Variants in ENOX2 observed in about 807,000 individuals in gnomAD.
ENOX2 encodes the protein APK1 antigen.
ENOX2 carries 36 observed loss-of-function variants against 45.0 expected under a neutral mutation model. The observed-to-expected ratio is 0.80, with a 90% confidence interval of 0.61 to 1.06. The LOEUF (loss-of-function observed/expected upper bound fraction) is 1.06. ENOX2 is among the 50% of genes least tolerant of loss of function. The pLI, the probability that ENOX2 is intolerant of heterozygous loss-of-function variation, is 0.00. For synonymous variants in ENOX2, 174 were observed against 152.3 expected, an observed-to-expected ratio of 1.14 and a Z score of -1.05; for missense variants, 423 against 462.5, an observed-to-expected ratio of 0.91 and a Z score of 0.78.
At chrX:130,805,660 G>A (rs766034526) in intron 2 of ENOX2, among the ~76,000 whole-genome samples, 2 of 111,044 alleles carry the variant, frequency 1.8e-5, no homozygotes, top group Non-Finnish European at 3.8e-5. Context: ...ATACATGCTG[G>A]GACACATTTT....
At chrX:130,857,516 A>G (rs2078331255) in intron 2 of ENOX2, among the ~76,000 whole-genome samples, 1 of 112,231 alleles carries the variant, frequency 8.9e-6, no homozygotes, top group Non-Finnish European at 1.9e-5. Context: ...CAAAGGGTAT[A>G]AAGTTTCATT....
intron 3 of ENOX2, among the ~76,000 whole-genome samples, chrX:130,716,547 G>A (rs753127339): frequency 7.1e-5 from 8 of 112,016 alleles, no homozygotes; most frequent in African/African-American, 2.6e-4. Flanking sequence ...GGGTAGGCAG[G>A]AGAAGAACCT....
intron 2 of ENOX2, among the ~76,000 whole-genome samples, chrX:130,852,771 G>A (rs1468361148): frequency 9.0e-6 from 1 of 111,086 alleles, no homozygotes; most frequent in Non-Finnish European, 1.9e-5. Context: ...TGATTGAAGG[G>A]ATGAAAAATG....
chrX:130,803,016 G>T (rs915288402), intron 2 of ENOX2, among the ~76,000 whole-genome samples: 3 of 111,846 alleles, frequency 2.7e-5, no homozygotes, highest in African/African-American at 9.7e-5. Flanking sequence ...ATGAAGGCAT[G>T]AATGAGTATT....
intron 2 of ENOX2, among the ~76,000 whole-genome samples, chrX:130,845,371 T>C (rs1227947263): frequency 8.9e-6 from 1 of 112,686 alleles, no homozygotes; most frequent in Non-Finnish European, 1.9e-5. Flanking sequence ...AGAACCATTA[T>C]CCTTGCCAAC....
intron 6 of ENOX2, among the ~76,000 whole-genome samples, chrX:130,678,969 C>G (rs1452195929): frequency 1.8e-5 from 2 of 111,529 alleles, no homozygotes; most frequent in Non-Finnish European, 3.8e-5. Context: ...AAGGATTTCA[C>G]GTTCTGGTGG....
intron 3 of ENOX2, among the ~76,000 whole-genome samples, chrX:130,782,168 G>A (rs111792477): frequency 2.5e-4 from 28 of 111,313 alleles, no homozygotes; most frequent in Non-Finnish European, 4.0e-4. Flanking sequence ...TGTGAAACAC[G>A]TTGATGATTT....
chrX:130,668,076 T>TGA (rs755689837), intron 7 of ENOX2, among the ~76,000 whole-genome samples: 1,217 of 102,325 alleles, frequency 0.012, 15 homozygotes, highest in African/African-American at 0.033. Flanking sequence ...TGTGTGTGTG[T>TGA]GAGAGAGAGA....
intron 11 of ENOX2, 132 bp downstream of exon 11, chrX:130,637,097 C>T: frequency 3.6e-6 from 2 of 557,319 alleles, no homozygotes; most frequent in Non-Finnish European, 6.1e-6. Context: ...ACTCCTTCCT[C>T]AGCCATGCCA....
At chrX:130,885,444 TATA>T (rs1387299111) in intron 2 of ENOX2, among the ~76,000 whole-genome samples, 2 of 112,194 alleles carry the variant, frequency 1.8e-5, no homozygotes, top group African/African-American at 3.2e-5. Context: ...TAAGAAAGTA[TATA>T]TTAAATCACT....
intron 5 of ENOX2, among the ~76,000 whole-genome samples, chrX:130,685,632 T>C (rs1374100017): frequency 1.8e-5 from 2 of 111,966 alleles, no homozygotes; most frequent in Non-Finnish European, 3.8e-5. Flanking sequence ...AAGAAATCCA[T>C]TAGATTTGGC....
At chrX:130,862,415 T>A (rs1329257660) in intron 2 of ENOX2, among the ~76,000 whole-genome samples, 13 of 111,394 alleles carry the variant, frequency 1.2e-4, no homozygotes, top group Non-Finnish European at 2.4e-4. Flanking sequence ...AGCATCCCAT[T>A]TAAAATTGCA....
intron 2 of ENOX2, among the ~76,000 whole-genome samples, chrX:130,897,094 C>T (rs1022322386): frequency 1.8e-5 from 2 of 112,095 alleles, no homozygotes; most frequent in African/African-American, 6.5e-5. Context: ...ATGACATCGG[C>T]TCCCATGAGA....
chrX:130,761,712 G>A (rs907025527), intron 3 of ENOX2, among the ~76,000 whole-genome samples: 3 of 110,400 alleles, frequency 2.7e-5, no homozygotes, highest in Middle Eastern at 4.2e-3. Flanking sequence ...GCTGGGGCAG[G>A]GGGAGGTGCC....
intron 2 of ENOX2, among the ~76,000 whole-genome samples, chrX:130,848,841 A>C (rs192784523): frequency 6.2e-5 from 7 of 112,074 alleles, no homozygotes; most frequent in East Asian, 5.6e-4. Context: ...CCAAAAAAAA[A>C]CTGCAATCCT....
chrX:130,636,434 C>T (rs2035934170), intron 11 of ENOX2, among the ~76,000 whole-genome samples: 1 of 112,087 alleles, frequency 8.9e-6, no homozygotes, highest in Non-Finnish European at 1.9e-5. Context: ...AACTATTGCA[C>T]AATTTAAGAT....
intron 3 of ENOX2, among the ~76,000 whole-genome samples, chrX:130,773,459 A>G (rs961256297): frequency 8.9e-6 from 1 of 112,499 alleles, no homozygotes; most frequent in African/African-American, 3.2e-5. Flanking sequence ...AATGGTGTCT[A>G]TCTTACAGAT....
intron 3 of ENOX2, among the ~76,000 whole-genome samples, chrX:130,765,343 A>G (rs1404100644): frequency 9.0e-6 from 1 of 111,235 alleles, no homozygotes; most frequent in Non-Finnish European, 1.9e-5. Context: ...AGCCAAGGTA[A>G]CCATCTCCTA....
At chrX:130,833,137 A>C (rs925090342) in intron 2 of ENOX2, among the ~76,000 whole-genome samples, 6 of 110,676 alleles carry the variant, frequency 5.4e-5, no homozygotes, top group African/African-American at 1.6e-4. Context: ...CATTTAAAAT[A>C]ACTGCTTTAC....
Sources: gnomAD v4.1 joint callset for allele counts (sites outside exome capture counted in the v4.1 genomes callset) on GRCh38, gnomAD v4.1.1 for gene constraint, MANE v1.5 for transcripts, NCBI Gene and HGNC (gene_info 2026-07-23, HGNC 2026-07-21) for gene names.